The following ZNF385B variants were observed in gnomAD, a reference collection of about 807,000 sequenced individuals.
ZNF385B encodes zinc finger protein 385B, also known as zinc finger protein 533.
A neutral mutation model predicts 39.2 loss-of-function variants in ZNF385B; 23 were observed. The observed-to-expected ratio is 0.59, with a 90% CI of 0.42 to 0.83. The LOEUF (loss-of-function observed/expected upper bound fraction) is 0.83. Among genes scored for constraint, ZNF385B ranks in the 40% least tolerant of loss-of-function variants. The pLI is 0.00. For missense variants in ZNF385B, 552 were observed against 598.9 expected, an observed-to-expected ratio of 0.92 and a Z score of 0.82; for synonymous variants, 205 against 222.6, an observed-to-expected ratio of 0.92 and a Z score of 0.70.
intron 6 of ZNF385B, among the ~76,000 whole-genome samples, chr2:179,459,933 G>A (rs961366252): frequency 2.6e-4 from 40 of 151,382 alleles, no homozygotes; most frequent in Non-Finnish European, 2.5e-4. Flanking sequence ...GTGAAACCCC[G>A]TCTCTACTAA....
intron 1 of ZNF385B, chr2:179,814,367 G>A (rs924270974): frequency 1.3e-5 from 4 of 306,406 alleles, no homozygotes; most frequent in Admixed American, 1.3e-4. Context: ...CCACATGCAT[G>A]AAAATGGATA....
intron 1 of ZNF385B, among the ~76,000 whole-genome samples, chr2:179,816,816 T>C (rs1707098992): frequency 6.6e-6 from 1 of 152,330 alleles, no homozygotes; most frequent in South Asian, 2.1e-4. Flanking sequence ...TATACTGTAC[T>C]CTAATTGCCA....
chr2:179,838,505 C>A (rs1486937983), intron 1 of ZNF385B, among the ~76,000 whole-genome samples: 1 of 152,190 alleles, frequency 6.6e-6, no homozygotes, highest in Non-Finnish European at 1.5e-5. Context: ...CTATTCTTTG[C>A]TCCACATCAT....
At chr2:179,815,922 C>T (rs1210221981) in intron 1 of ZNF385B, among the ~76,000 whole-genome samples, 1 of 152,054 alleles carries the variant, frequency 6.6e-6, no homozygotes, top group Non-Finnish European at 1.5e-5. Flanking sequence ...GTCTTTGTGC[C>T]TCTTACATCC....
At chr2:179,792,431 G>A (rs62180406) in intron 1 of ZNF385B, among the ~76,000 whole-genome samples, 1 of 143,080 alleles carries the variant, frequency 7.0e-6, no homozygotes, top group African/African-American at 2.6e-5. Flanking sequence ...CTGGAGTGCA[G>A]TGGCACCATC....
At chr2:179,453,395 C>G (rs1419580144) in intron 6 of ZNF385B, among the ~76,000 whole-genome samples, 2 of 152,084 alleles carry the variant, frequency 1.3e-5, no homozygotes, top group Non-Finnish European at 2.9e-5. Flanking sequence ...GTCCAGCTGC[C>G]AGCACCCTAT....
At chr2:179,497,861 G>C (rs993574519) in intron 5 of ZNF385B, among the ~76,000 whole-genome samples, 5 of 152,014 alleles carry the variant, frequency 3.3e-5, no homozygotes, top group African/African-American at 1.2e-4. Context: ...TGAAAATTAA[G>C]GGATGTAAAG....
At chr2:179,508,926 C>T (rs1391694474) in intron 5 of ZNF385B, among the ~76,000 whole-genome samples, 1 of 150,562 alleles carries the variant, frequency 6.6e-6, no homozygotes, top group Non-Finnish European at 1.5e-5. Context: ...ATTTGATGAA[C>T]ATTTATGCGT....
intron 6 of ZNF385B, among the ~76,000 whole-genome samples, chr2:179,450,435 C>T (rs569381839): frequency 3.6e-4 from 55 of 152,208 alleles, no homozygotes; most frequent in East Asian, 2.1e-3. Context: ...AAAAAGTGGG[C>T]GAAGGATATG....
intron 1 of ZNF385B, among the ~76,000 whole-genome samples, chr2:179,804,975 T>A (rs1026476703): frequency 6.6e-6 from 1 of 152,154 alleles, no homozygotes; most frequent in African/African-American, 2.4e-5. Context: ...TTCCTCCAGT[T>A]CAATATACTC....
chr2:179,601,720 G>A (rs1688423585), intron 3 of ZNF385B, among the ~76,000 whole-genome samples: 2 of 152,058 alleles, frequency 1.3e-5, no homozygotes, highest in South Asian at 4.1e-4. Flanking sequence ...TAATTGCAAT[G>A]TACTCATTAC....
At chr2:179,568,807 T>A (rs914114498) in intron 3 of ZNF385B, among the ~76,000 whole-genome samples, 2 of 152,140 alleles carry the variant, frequency 1.3e-5, no homozygotes, top group Non-Finnish European at 2.9e-5. Context: ...ATACTCAGAT[T>A]TGATATAAGA....
chr2:179,824,880 A>C (rs1707595989), intron 1 of ZNF385B, among the ~76,000 whole-genome samples: 1 of 150,078 alleles, frequency 6.7e-6, no homozygotes, highest in Non-Finnish European at 1.5e-5. Flanking sequence ...GTCTGATTTA[A>C]AAAAAAAAAA....
chr2:179,726,515 A>G (rs1015936636), intron 3 of ZNF385B, among the ~76,000 whole-genome samples: 1 of 152,086 alleles, frequency 6.6e-6, no homozygotes, highest in African/African-American at 2.4e-5. Flanking sequence ...GCAATTTTTC[A>G]TACGGTAAAT....
chr2:179,487,035 C>T (rs151279118), intron 5 of ZNF385B, among the ~76,000 whole-genome samples: 3 of 152,236 alleles, frequency 2.0e-5, no homozygotes, highest in African/African-American at 2.4e-5. Context: ...AATAGTGCAG[C>T]GTTACTTTAG....
chr2:179,593,877 G>C (rs1687778075), intron 3 of ZNF385B, among the ~76,000 whole-genome samples: 1 of 152,178 alleles, frequency 6.6e-6, no homozygotes. Flanking sequence ...GGTCACCTTA[G>C]TTATAGCCAT....
intron 4 of ZNF385B, among the ~76,000 whole-genome samples, chr2:179,519,052 T>A (rs545650000): frequency 6.6e-6 from 1 of 152,260 alleles, no homozygotes; most frequent in South Asian, 2.1e-4. Context: ...GTGATCATAG[T>A]TCACTGCAGC....
chr2:179,629,191 T>C (rs965826768), intron 3 of ZNF385B, among the ~76,000 whole-genome samples: 2 of 152,202 alleles, frequency 1.3e-5, no homozygotes, highest in Non-Finnish European at 2.9e-5. Flanking sequence ...GAAGTGGCTC[T>C]GCCCACCATT....
chr2:179,738,610 C>T (rs892889108), intron 3 of ZNF385B, among the ~76,000 whole-genome samples: 3 of 152,230 alleles, frequency 2.0e-5, no homozygotes, highest in South Asian at 2.1e-4. Flanking sequence ...TGGAGTTGGG[C>T]CACTTTTCTA....
Sources: allele counts gnomAD v4.1 joint callset (sites outside exome capture counted in the v4.1 genomes callset), GRCh38; gene constraint gnomAD v4.1.1; transcripts MANE v1.5; gene names NCBI Gene and HGNC (gene_info 2026-07-23, HGNC 2026-07-21).